The following UBN1 variants were observed in gnomAD, a reference collection of about 807,000 sequenced individuals.
UBN1 encodes the protein ubinuclein-1.
In UBN1, 17 loss-of-function variants were observed where a neutral mutation model predicts 108.5. That is an observed-to-expected ratio of 0.16 (90% CI 0.11 to 0.24). UBN1 has a LOEUF of 0.24. Among genes scored for constraint, UBN1 ranks in the 10% least tolerant of loss-of-function variants. The pLI is 1.00. For synonymous variants in UBN1, 726 were observed against 564.2 expected (o/e 1.29, Z -4.07); for missense variants, 1,595 against 1,394.4 (o/e 1.14, Z -2.29).
At chr16:4,850,642 C>G (rs934955696) in intron 1 of UBN1, among the ~76,000 whole-genome samples, 3 of 152,164 alleles carry the variant, frequency 2.0e-5, no homozygotes, top group African/African-American at 7.2e-5. Flanking sequence ...CACTGCTAAT[C>G]GTTTTGCCGC....
chr16:4,877,713 G>A lies in UBN1; in HGVS notation c.3355+239G>A. The A allele has an allele frequency of 8.2e-7, 1 of 1,226,128 alleles. No homozygotes were observed. Among genetic ancestry groups the A allele is most frequent in the Non-Finnish European group, 1.0e-6 (1 of 983,574 alleles). The allele number at this position is 1,226,128 out of a possible 1,614,324, so 76.0% of individuals were successfully genotyped here. On this transcript the variant is annotated intron_variant, in intron 17 of 17. Transcript: ENST00000262376. The surrounding 1 kb of genome is among the most constrained non-coding windows in gnomAD (Gnocchi z 4.3). ...GTCAGCCTCAGCCTGTGTGATCACAGGGAAAGTTGCGGGGGGCAGGGTGGT... is the reference window on the plus strand; with the variant it reads ...GTCAGCCTCAGCCTGTGTGATCACAAGGAAAGTTGCGGGGGGCAGGGTGGT...
intron 17 of UBN1, among the ~76,000 whole-genome samples, chr16:4,878,377 G>A (rs2087978600): frequency 6.6e-6 from 1 of 152,182 alleles, no homozygotes; most frequent in Non-Finnish European, 1.5e-5. Flanking sequence ...TGGCGAACTG[G>A]TGCCAGGTGG....
At chr16:4,855,012 G>A (rs943088132) in intron 2 of UBN1, among the ~76,000 whole-genome samples, 10 of 152,076 alleles carry the variant, frequency 6.6e-5, no homozygotes, top group Middle Eastern at 3.2e-3. Context: ...GTGAGCCACC[G>A]TGCCTGGCCC....
At position 4,872,932 on chromosome 16, in the gene UBN1, C is replaced by G. The variant is rs1209855710; in HGVS notation, c.1755C>G (p.Ile585Met). The change falls in exon 13 of 18, where the codon ATC becomes ATG. Residue 585 changes from isoleucine (I) to methionine (M), a missense_variant and splice_region_variant. Physicochemically the swap from Ile to Met is conservative, Grantham distance 10. Transcript: ENST00000262376. ...SRRGHGHLTSILAKKKVMAPS... is the reference protein window; with the variant it reads ...SRRGHGHLTSMLAKKKVMAPS... ...GAGGCCATGGGCACCTGACTTCAATCCTGTGAGTGTCTTGGTATTTTCACA... is the reference window on the plus strand; with the variant it reads ...GAGGCCATGGGCACCTGACTTCAATGCTGTGAGTGTCTTGGTATTTTCACA... 1.2e-6 allele frequency: 2 copies of G among 1,614,070 alleles called. No individual in the cohort carries two copies. Among genetic ancestry groups the G allele is most frequent in the African/African-American group, 2.7e-5 (2 of 74,920 alleles).
chr16:4,879,447 C>T (rs1170836088), intron 17 of UBN1, among the ~76,000 whole-genome samples: 1 of 152,144 alleles, frequency 6.6e-6, no homozygotes, highest in Non-Finnish European at 1.5e-5. Flanking sequence ...GAGACCTCAT[C>T]TCTAAAAAAA....
At chr16:4,856,044 C>T (rs2086792787) in intron 2 of UBN1, among the ~76,000 whole-genome samples, 1 of 152,200 alleles carries the variant, frequency 6.6e-6, no homozygotes, top group African/African-American at 2.4e-5. Context: ...CACCACTGGG[C>T]AGAATGACAG....
intron 2 of UBN1, among the ~76,000 whole-genome samples, chr16:4,857,441 A>G (rs1310815863): frequency 6.6e-6 from 1 of 152,030 alleles, no homozygotes; most frequent in Non-Finnish European, 1.5e-5. Context: ...TGAGAAAAGA[A>G]TAAGCTTATA....
chr16:4,875,558 C>A, intron 15 of UBN1, 124 bp downstream of exon 15: 4 of 1,372,656 alleles, frequency 2.9e-6, no homozygotes, highest in Non-Finnish European at 3.9e-6. Context: ...ACAGTGGGCT[C>A]AGACGTAGGA....
Position 4,877,783 on chromosome 16 carries a change from T to A in UBN1, c.3355+309T>A. On this transcript the variant is annotated intron_variant, in intron 17 of 17. Transcript: ENST00000262376. This position sits in a 1 kb window ranked among gnomAD's most constrained non-coding sequence, Gnocchi z 4.3. ...AGGAGTTCCTAACCCTCGGCTTGTT[T>A]TTTTCTCTTCAGTTTAAAAAAAAAA... 1 of 1,114,142 alleles carries A rather than the reference T, an allele frequency of 9.0e-7. No individual in the cohort carries two copies. Among genetic ancestry groups the A allele is most frequent in the Non-Finnish European group, 1.1e-6 (1 of 914,740 alleles). The allele number at this position is 1,114,142 out of a possible 1,614,324, so 69.0% of individuals were successfully genotyped here.
In UBN1 at chr16:4,877,273, G is replaced by T. The variant is rs2087927323; in HGVS notation, c.3266-112G>T. On this transcript the variant is annotated intron_variant, in intron 16 of 17. Transcript: ENST00000262376. This position sits in a 1 kb window ranked among gnomAD's most constrained non-coding sequence, Gnocchi z 4.3. Reference sequence around the variant, plus strand: ...CCCCCACTGCCCCTTTGGGTGTGGTGCCCAGACTGGCCTGGCAGGTTATCG... The same window carrying T: ...CCCCCACTGCCCCTTTGGGTGTGGTTCCCAGACTGGCCTGGCAGGTTATCG... 2 of 1,520,286 alleles carry T rather than the reference G, an allele frequency of 1.3e-6. No homozygotes were observed. Among genetic ancestry groups the T allele is most frequent in the Non-Finnish European group, 1.8e-6 (2 of 1,129,332 alleles). 94.2% of individuals were successfully genotyped at this position (1,520,286 alleles called of 1,614,324 possible).
In UBN1 at chr16:4,876,950, C is replaced by A. The variant is rs776519971; in HGVS notation, c.3104C>A (p.Ser1035Tyr). 1 of 1,614,222 alleles carries A rather than the reference C, an allele frequency of 6.2e-7. No homozygotes were observed. ...TACAAATCCAGCAGCCCAAAGCTGT[C>A]TGGGGCCATGAGCTCGAACTCCTTG... Reference protein sequence around the residue: ...SPYKSSSPKLSGAMSSNSLGI... With the variant: ...SPYKSSSPKLYGAMSSNSLGI... The change falls in exon 16 of 18, where the codon TCT becomes TAT. Residue 1035 changes from serine (S) to tyrosine (Y), a missense_variant. Physicochemically the swap from Ser to Tyr is moderately radical, Grantham distance 144. This residue lies in a region of UBN1 where 1,398 missense variants were observed against 1,194.7 expected (regional missense o/e 1.17). Coordinates refer to ENST00000262376, the MANE Select transcript of UBN1 (RefSeq NM_001079514.3).
At chr16:4,854,508 TA>T (rs1400185035) in intron 2 of UBN1, among the ~76,000 whole-genome samples, 1 of 121,912 alleles carries the variant, frequency 8.2e-6, no homozygotes, top group East Asian at 2.1e-4. Context: ...CACGCCTGGC[TA>T]ATTTTTTTTT....
Position 4,874,870 on chromosome 16 carries a change from A to T in UBN1, c.2460A>T (p.Pro820=). Reference sequence around the variant, plus strand: ...AGCAGCAGAAAAACTTCACGCCCCCATCTCCATTTGCCAATAAGCTCCAAG... The same window carrying T: ...AGCAGCAGAAAAACTTCACGCCCCCTTCTCCATTTGCCAATAAGCTCCAAG... The part of the protein sequence containing the change: ...GTQQQKNFTP[P]SPFANKLQGP... The change falls in exon 15 of 18, where the codon CCA becomes CCT. Residue 820 remains proline (P), a synonymous_variant. Transcript: ENST00000262376. The T allele has an allele frequency of 6.2e-7, 1 of 1,614,020 alleles. No homozygotes were observed. Among genetic ancestry groups the T allele is most frequent in the South Asian group, 1.1e-5 (1 of 91,088 alleles).
At chr16:4,879,490 AAG>A (rs781523314) in intron 17 of UBN1, among the ~76,000 whole-genome samples, 6 of 151,504 alleles carry the variant, frequency 4.0e-5, no homozygotes, top group Non-Finnish European at 7.4e-5. Context: ...TTCGAGGAAA[AAG>A]AAAATCAATC....
Position 4,851,954 on chromosome 16 carries a change from A to G in UBN1, c.-39-925A>G, listed in dbSNP as rs902425400. Among the ~76,000 whole-genome samples, 21 of 152,388 alleles carry G rather than the reference A, an allele frequency of 1.4e-4. 3 individuals carry two copies. The South Asian group carries it at 2.1e-3, about 15-fold the overall frequency. On this transcript the variant is annotated intron_variant, in intron 1 of 17. Transcript: ENST00000262376. ...TTTTGTATATCTATAATGTATAATA[A>G]TTTATGTATAATATCAAGAGCGCTT...
Position 4,874,496 on chromosome 16 carries a change from C to T in UBN1, c.2086C>T (p.Pro696Ser). ...AGCTGGGAACTCTGAATTCACACTG[C>T]CTGCACCCTCAAAAGCACCTGCAGA... ...RAAGNSEFTL[P>S]APSKAPAEKV... is the part of the protein sequence containing the mutation. Residue 696 changes from proline to serine, a missense_variant, in exon 15 of 18, where the codon CCT becomes TCT. Pro to Ser is a moderately conservative substitution (Grantham distance 74). Coordinates refer to ENST00000262376, the MANE Select transcript of UBN1 (RefSeq NM_001079514.3). The T allele has an allele frequency of 3.1e-6, 5 of 1,614,214 alleles. No homozygotes were observed. The highest frequency in any genetic ancestry group is 4.2e-6 in the Non-Finnish European group (5 of 1,180,040).
chr16:4,852,095 CTTTA>C (rs751924427), intron 1 of UBN1: 3 of 152,152 alleles, frequency 2.0e-5, no homozygotes, highest in East Asian at 1.9e-4. Flanking sequence ...CAATGAATAT[CTTTA>C]TTTATTGGTA....
At position 4,872,877 on chromosome 16, in the gene UBN1, C is replaced by T; in HGVS notation, c.1707-7C>T. The T allele has an allele frequency of 1.2e-6, 2 of 1,614,226 alleles. No homozygotes were observed. Among genetic ancestry groups the T allele is most frequent in the Non-Finnish European group, 1.7e-6 (2 of 1,180,030 alleles). ...TGTACAGATGCCTGGTGTTCTGTGT[C>T]TTTCAGAACTCTGTTTAAGGAGAGC... On this transcript the variant is annotated splice_region_variant and splice_polypyrimidine_tract_variant and intron_variant, in intron 12 of 17. Transcript: ENST00000262376.
intron 17 of UBN1, among the ~76,000 whole-genome samples, chr16:4,878,617 A>T (rs752594155): frequency 4.8e-4 from 73 of 152,220 alleles, no homozygotes; most frequent in Non-Finnish European, 9.7e-4. Context: ...ACTTCTCTAC[A>T]GACTAGAGGC....
Sources: allele counts gnomAD v4.1 joint callset (sites outside exome capture counted in the v4.1 genomes callset), GRCh38; gene constraint gnomAD v4.1.1; regional missense constraint gnomAD v4.1.1; non-coding constraint Gnocchi (gnomAD v3.1); transcripts MANE v1.5; gene names NCBI Gene and HGNC (gene_info 2026-07-23, HGNC 2026-07-21).